The following RAP1GAP variants were observed in gnomAD, a reference collection of about 807,000 sequenced individuals.
The protein encoded by RAP1GAP is rap1 GTPase-activating protein 1.
RAP1GAP carries 35 observed loss-of-function variants against 87.2 expected under a neutral mutation model. The ratio of observed to expected loss-of-function variants is 0.40; its 90% confidence interval spans 0.31 to 0.53. The LOEUF (loss-of-function observed/expected upper bound fraction) is 0.53. RAP1GAP is among the 20% of genes least tolerant of loss of function. RAP1GAP has a pLI of 0.48. For missense variants in RAP1GAP, 734 were observed against 898.9 expected (o/e 0.82, Z 2.35); for synonymous variants, 375 against 363.9 (o/e 1.03, Z -0.35).
rs71661339 is a variant in RAP1GAP at position 21,656,417 on chromosome 1, TAA to T, written c.-148-6623_-148-6622del. ...CTGGGTGACATAGCAAGACTCCATC[TAA>T]AAAAAAAAAAAAAAAAAAAAAAAAA... On this transcript the variant is annotated intron_variant, in intron 1 of 24. Coordinates refer to ENST00000374765, the MANE Select transcript of RAP1GAP (RefSeq NM_002885.4). 2.1e-3 allele frequency among the ~76,000 whole-genome samples: 198 copies of T among 96,182 alleles called. 9 individuals carry two copies. Among genetic ancestry groups the T allele is most frequent in the African/African-American group, 6.2e-3 (145 of 23,372 alleles). 63.1% of individuals were successfully genotyped at this position (96,182 alleles called of 152,430 possible).
In RAP1GAP at chr1:21,608,287, T is replaced by G; in HGVS notation, c.1222A>C (p.Met408Leu). Residue 408 changes from methionine to leucine, a missense_variant, in exon 17 of 25, where the codon ATG becomes CTG. Around this residue, in one of 2 missense-constraint regions of RAP1GAP, gnomAD observed 485 missense variants for 646.2 expected, o/e 0.75. Coordinates refer to ENST00000374765, the MANE Select transcript of RAP1GAP (RefSeq NM_002885.4). ...TCCTCGTCGCCGCCCAAGCCCATCA[T>G]GGACTGGCTGTGGATGTGTAGTTCC... ...YEELHIHSQSMMGLGGDEDKM... is the reference protein window; with the variant it reads ...YEELHIHSQSLMGLGGDEDKM... 1 of 1,614,106 alleles carries G rather than the reference T, an allele frequency of 6.2e-7. No homozygotes were observed. The highest frequency in any genetic ancestry group is 2.2e-5 in the East Asian group (1 of 44,884).
chr1:21,662,001 C>T (rs563554507), intron 1 of RAP1GAP, among the ~76,000 whole-genome samples: 4 of 152,348 alleles, frequency 2.6e-5, no homozygotes, highest in East Asian at 1.9e-4. Context: ...GTGGTGTTCC[C>T]GTGACAGGGA....
chr1:21,599,250 T>G (rs575381163), intron 21 of RAP1GAP, among the ~76,000 whole-genome samples: 106 of 152,188 alleles, frequency 7.0e-4, no homozygotes, highest in Non-Finnish European at 2.2e-4. Context: ...GAGAGGAGAC[T>G]AGAGAGGAAG....
At chr1:21,646,745 C>A (rs934443555) in intron 2 of RAP1GAP, among the ~76,000 whole-genome samples, 6 of 152,298 alleles carry the variant, frequency 3.9e-5, no homozygotes, top group African/African-American at 1.2e-4. Context: ...AAATGTCCAG[C>A]CCCCATTCTA....
intron 3 of RAP1GAP, among the ~76,000 whole-genome samples, chr1:21,623,258 G>A (rs1340192463): frequency 6.6e-6 from 1 of 152,220 alleles, no homozygotes; most frequent in Non-Finnish European, 1.5e-5. Flanking sequence ...ACAACTTGCT[G>A]AGTGGCCTTG....
rs186440890 is a variant in RAP1GAP, at chr1:21,642,272, C to T, written c.-113+7489G>A. Among the ~76,000 whole-genome samples the T allele has an allele frequency of 4.1e-4, 62 of 152,354 alleles. No individual in the cohort carries two copies. The South Asian group carries it at 7.5e-3, about 18-fold the overall frequency. ...ACCAAGCGCAATTCCGCACCCACTGCAGGCGCAGCAGGTAACCATGACCGC... is the reference window on the plus strand; with the variant it reads ...ACCAAGCGCAATTCCGCACCCACTGTAGGCGCAGCAGGTAACCATGACCGC... On this transcript the variant is annotated intron_variant, in intron 2 of 24. Coordinates refer to ENST00000374765, the MANE Select transcript of RAP1GAP (RefSeq NM_002885.4).
chr1:21,669,331 G>A lies in RAP1GAP; in HGVS notation c.-226C>T. On this transcript the variant is annotated 5_prime_UTR_variant, in exon 1 of 25. Transcript: ENST00000374765. The surrounding 1 kb of genome is among the most constrained non-coding windows in gnomAD (Gnocchi z 5.6). The stretch of plus-strand genomic sequence containing the variant: ...CGCCGCTGCAGCTCTGCTCAGATGC[G>A]GCCGGCGCTCGCCGCCGCCGCAGTT... 9.2e-7 allele frequency: 1 copy of A among 1,086,108 alleles called. No homozygotes were observed. Among genetic ancestry groups the A allele is most frequent in the South Asian group, 2.1e-5 (1 of 46,838 alleles). 67.3% of individuals were successfully genotyped at this position (1,086,108 alleles called of 1,614,324 possible).
At chr1:21,627,476 C>T (rs1386521242) in intron 2 of RAP1GAP, among the ~76,000 whole-genome samples, 4 of 143,610 alleles carry the variant, frequency 2.8e-5, no homozygotes, top group African/African-American at 1.0e-4. Flanking sequence ...GTGCAAATGG[C>T]TTGATCTCGG....
intron 13 of RAP1GAP, among the ~76,000 whole-genome samples, chr1:21,610,639 G>A (rs1352859767): frequency 1.3e-5 from 2 of 152,136 alleles, no homozygotes; most frequent in Non-Finnish European, 2.9e-5. Flanking sequence ...CGAGAGAAGT[G>A]ACTTGGAAGG....
intron 2 of RAP1GAP, among the ~76,000 whole-genome samples, chr1:21,642,105 C>A (rs577929072): frequency 6.6e-6 from 1 of 152,340 alleles, no homozygotes; most frequent in East Asian, 1.9e-4. Context: ...CAGGACCTGG[C>A]ACCAGGCCCA....
rs2076595389 is a variant in RAP1GAP, at chr1:21,609,080, G to A, written c.1072-144C>T. ...GGGTCACCCTCTTCACTCCCAAAAG[G>A]GTATCTCCCTGGGCTCAGCTCCCCA... On this transcript the variant is annotated intron_variant, in intron 15 of 24. Coordinates refer to ENST00000374765, the MANE Select transcript of RAP1GAP (RefSeq NM_002885.4). The surrounding 1 kb of genome is among the most constrained non-coding windows in gnomAD (Gnocchi z 4.4). 3 of 721,378 alleles carry A rather than the reference G, an allele frequency of 4.2e-6. No homozygotes were observed. Among genetic ancestry groups the A allele is most frequent in the Non-Finnish European group, 7.2e-6 (3 of 419,038 alleles). The allele number at this position is 721,378 out of a possible 1,614,324, so 44.7% of individuals were successfully genotyped here. A position where few individuals can be genotyped will look rare whatever the true frequency, so the allele number is the denominator to read the frequency against.
chr1:21,620,077 G>T, intron 3 of RAP1GAP, 27 bp from the exon 4 acceptor site: 1 of 1,612,700 alleles, frequency 6.2e-7, no homozygotes, highest in Non-Finnish European at 8.5e-7. Context: ...GGAGAGCGAG[G>T]TCAGCTGATC....
Position 21,597,738 on chromosome 1 carries a change from G to C in RAP1GAP, c.1984-10C>G. The C allele has an allele frequency of 6.2e-7, 1 of 1,613,676 alleles. No homozygotes were observed. Among genetic ancestry groups the C allele is most frequent in the East Asian group, 2.2e-5 (1 of 44,864 alleles). On this transcript the variant is annotated splice_polypyrimidine_tract_variant and intron_variant, in intron 23 of 24. Transcript: ENST00000374765. ...GGCCCGGCTAACAGCCCTGCAGACAGACAGTGGTGGTGAGGCAGGTGGCAA... is the reference window on the plus strand; with the variant it reads ...GGCCCGGCTAACAGCCCTGCAGACACACAGTGGTGGTGAGGCAGGTGGCAA...
intron 1 of RAP1GAP, among the ~76,000 whole-genome samples, chr1:21,652,363 C>T (rs1456943379): frequency 6.6e-6 from 1 of 152,200 alleles, no homozygotes; most frequent in Non-Finnish European, 1.5e-5. Context: ...AGTTCACGCA[C>T]GTAAAGCGCT....
intron 3 of RAP1GAP, among the ~76,000 whole-genome samples, chr1:21,621,740 G>C (rs1174541604): frequency 6.6e-6 from 1 of 152,200 alleles, no homozygotes; most frequent in Non-Finnish European, 1.5e-5. Flanking sequence ...TGACCCCAAA[G>C]AGTCACACTG....
At chr1:21,616,232 G>A (rs1402354699) in intron 7 of RAP1GAP, among the ~76,000 whole-genome samples, 2 of 150,534 alleles carry the variant, frequency 1.3e-5, no homozygotes, top group Non-Finnish European at 2.9e-5. Context: ...GCACCTTAAT[G>A]GAAGGTCAGC....
rs12134357 is a variant in RAP1GAP, at chr1:21,619,903, T to C, written c.18+112A>G. 338,258 of 1,128,728 alleles carry C rather than the reference T, an allele frequency of 0.3. 51,701 individuals are homozygous for C. Among genetic ancestry groups the C allele is most frequent in the Middle Eastern group, 0.39 (1,930 of 4,982 alleles). The allele number at this position is 1,128,728 out of a possible 1,614,324, so 69.9% of individuals were successfully genotyped here. A position where few individuals can be genotyped will look rare whatever the true frequency, so the allele number is the denominator to read the frequency against. ...ACAACCAATAGCCACCATCTTCTACTGGCGTGGCCTGTCCTCAGGGAGGTG... is the reference window on the plus strand; with the variant it reads ...ACAACCAATAGCCACCATCTTCTACCGGCGTGGCCTGTCCTCAGGGAGGTG... On this transcript the variant is annotated intron_variant, in intron 4 of 24. Coordinates refer to ENST00000374765, the MANE Select transcript of RAP1GAP (RefSeq NM_002885.4).
chr1:21,626,932 T>A (rs986293572), intron 2 of RAP1GAP: 1 of 456,590 alleles, frequency 2.2e-6, no homozygotes, highest in Non-Finnish European at 4.4e-6. Context: ...ACACTGGTAT[T>A]CCCACTTTAC....
intron 10 of RAP1GAP, among the ~76,000 whole-genome samples, chr1:21,612,417 C>G (rs560261245): frequency 5.9e-5 from 9 of 152,246 alleles, no homozygotes; most frequent in Non-Finnish European, 1.2e-4. Flanking sequence ...CCTGCCATGC[C>G]AAGCCCACCC....
Sources: gnomAD v4.1 joint callset for allele counts (sites outside exome capture counted in the v4.1 genomes callset) on GRCh38, gnomAD v4.1.1 for gene constraint, gnomAD v4.1.1 regional missense constraint, Gnocchi (gnomAD v3.1) non-coding constraint, MANE v1.5 for transcripts, NCBI Gene and HGNC (gene_info 2026-07-23, HGNC 2026-07-21) for gene names.